PFKFB4: variants seen among roughly 807,000 people sequenced by gnomAD.
PFKFB4 encodes 6-phosphofructo-2-kinase/fructose-2,6-biphosphatase 4.
A neutral mutation model predicts 62.8 loss-of-function variants in PFKFB4; 42 were observed. The ratio of observed to expected loss-of-function variants is 0.67; its 90% confidence interval spans 0.52 to 0.86. The LOEUF is 0.86. Among genes scored for constraint, PFKFB4 ranks in the 40% least tolerant of loss-of-function variants. The probability of loss-of-function intolerance (pLI) is 0.00; values close to 1 mark genes in which losing one functional copy is unlikely to be tolerated. For missense variants in PFKFB4, 475 were observed against 627.2 expected, an observed-to-expected ratio of 0.76 and a Z score of 2.59; for synonymous variants, 204 against 240.7, an observed-to-expected ratio of 0.85 and a Z score of 1.41.
intron 7 of PFKFB4, among the ~76,000 whole-genome samples, chr3:48,537,850 C>T (rs569012624): frequency 2.0e-5 from 3 of 152,238 alleles, no homozygotes; most frequent in African/African-American, 7.2e-5. Flanking sequence ...TATAGAATTA[C>T]AGAACCTAAG....
At chr3:48,543,698 AG>A in intron 3 of PFKFB4, 52 bp from the exon 4 acceptor site, 7 of 1,430,870 alleles carry the variant, frequency 4.9e-6, no homozygotes, top group Non-Finnish European at 6.8e-6. Flanking sequence ...TGGCTCCAGG[AG>A]GGTGGCCAGG....
upstream of PFKFB4, among the ~76,000 whole-genome samples, chr3:48,558,155 T>C (rs2043375496): frequency 6.6e-6 from 1 of 152,174 alleles, no homozygotes; most frequent in Admixed American, 6.5e-5. Context: ...GAAAATGCAC[T>C]GGGGACAAGG....
chr3:48,561,207 G>T, upstream of PFKFB4: 1 of 631,930 alleles, frequency 1.6e-6, no homozygotes, highest in Non-Finnish European at 2.3e-6. This position sits in a 1 kb window ranked among gnomAD's most constrained non-coding sequence, Gnocchi z 5.2. Context: ...AGCGACTCCT[G>T]CGGCTCCTGC....
upstream of PFKFB4, chr3:48,561,236 C>T: frequency 2.5e-6 from 1 of 396,044 alleles, no homozygotes; most frequent in Non-Finnish European, 4.2e-6. The surrounding 1 kb of genome is among the most constrained non-coding windows in gnomAD (Gnocchi z 5.2). Flanking sequence ...CTCCCCAGCC[C>T]ACTGTAGGCC....
At chr3:48,531,300 C>T (rs555135034) in intron 9 of PFKFB4, among the ~76,000 whole-genome samples, 1 of 151,806 alleles carries the variant, frequency 6.6e-6, no homozygotes, top group Admixed American at 6.6e-5. Flanking sequence ...GAGTTCAAGA[C>T]CAGCCTGACC....
chr3:48,542,571 T>C (rs1335610490), intron 4 of PFKFB4, among the ~76,000 whole-genome samples: 1 of 151,862 alleles, frequency 6.6e-6, no homozygotes, highest in Non-Finnish European at 1.5e-5. Flanking sequence ...CCTAGGACCA[T>C]GTATGGTGGA....
chr3:48,556,337 G>A lies in PFKFB4; in HGVS notation c.97+344C>T. The stretch of plus-strand genomic sequence containing the variant: ...GGCCAGGAGAGAGGGAAGGGCCTGG[G>A]GTGCCCACAGGGTCCTCCCCAGACT... On this transcript the variant is annotated intron_variant, in intron 1 of 13. Coordinates refer to ENST00000232375, the MANE Select transcript of PFKFB4 (RefSeq NM_004567.4). This position sits in a 1 kb window ranked among gnomAD's most constrained non-coding sequence, Gnocchi z 5.7. 3.8e-6 allele frequency: 2 copies of A among 524,282 alleles called. No homozygotes were observed. The highest frequency in any genetic ancestry group is 7.3e-6 in the Non-Finnish European group (2 of 275,318). 32.5% of individuals were successfully genotyped at this position (524,282 alleles called of 1,614,324 possible).
chr3:48,526,280 G>A (rs2042256418), intron 9 of PFKFB4, among the ~76,000 whole-genome samples: 1 of 149,922 alleles, frequency 6.7e-6, no homozygotes, highest in African/African-American at 2.5e-5. Context: ...AAAAAGAAAA[G>A]TTGGCTGGGC....
intron 3 of PFKFB4, among the ~76,000 whole-genome samples, chr3:48,543,867 A>G (rs1235259777): frequency 2.0e-5 from 3 of 152,140 alleles, no homozygotes; most frequent in South Asian, 2.1e-4. Context: ...GCTATTAGGA[A>G]CATTTTTTAA....
chr3:48,550,027 A>T (rs774185647), intron 2 of PFKFB4, 67 bp from the exon 3 acceptor site: 3 of 1,427,034 alleles, frequency 2.1e-6, no homozygotes, highest in South Asian at 2.3e-5. Context: ...CCTTGACCCA[A>T]CCCCAGGCCA....
chr3:48,557,076 G>C, upstream of PFKFB4: 1 of 863,758 alleles, frequency 1.2e-6, no homozygotes, highest in South Asian at 2.4e-5. Flanking sequence ...TCCCGCCCCA[G>C]TTCAAGGCCC....
upstream of PFKFB4, among the ~76,000 whole-genome samples, chr3:48,559,235 C>T (rs1196011757): frequency 6.6e-6 from 1 of 152,230 alleles, no homozygotes; most frequent in Non-Finnish European, 1.5e-5. Context: ...CACCCTCCTT[C>T]AAGGCCCTAT....
At chr3:48,525,196 G>A (rs890366755) in intron 10 of PFKFB4, among the ~76,000 whole-genome samples, 6 of 152,114 alleles carry the variant, frequency 3.9e-5, no homozygotes, top group African/African-American at 9.7e-5. Context: ...CCAGGGGACC[G>A]CACACTGTCT....
chr3:48,561,426 G>T (rs939699197), upstream of PFKFB4, among the ~76,000 whole-genome samples: 1 of 152,258 alleles, frequency 6.6e-6, no homozygotes, highest in African/African-American at 2.4e-5. This position sits in a 1 kb window ranked among gnomAD's most constrained non-coding sequence, Gnocchi z 5.2. Context: ...CCCCCTCTGC[G>T]GGCAAGCCCG....
At chr3:48,530,004 G>C (rs1413921078) in intron 9 of PFKFB4, among the ~76,000 whole-genome samples, 1 of 151,948 alleles carries the variant, frequency 6.6e-6, no homozygotes, top group East Asian at 1.9e-4. Flanking sequence ...TGTAATCCCA[G>C]CACTTTGGGA....
rs190650932 is a variant in PFKFB4 at position 48,525,666 on chromosome 3, C to T, written c.991G>A (p.Val331Ile). Residue 331 changes from valine to isoleucine, a missense_variant, in exon 10 of 14, where the codon GTC becomes ATC. Transcript: ENST00000232375. ...WKVLNEIDAG[V>I]CEEMTYEEIQ... ...TCCTCGTAGGTCATTTCCTCACAGA[C>T]GCCCTAGGGAGATACCACAGTCATC... is the stretch of plus-strand genomic sequence containing the variant. 2.1e-5 allele frequency: 33 copies of T among 1,590,734 alleles called. No homozygotes were observed. Among genetic ancestry groups the T allele is most frequent in the Middle Eastern group, 1.7e-4 (1 of 5,980 alleles).
intron 3 of PFKFB4, among the ~76,000 whole-genome samples, chr3:48,544,158 T>C (rs2042888225): frequency 6.6e-6 from 1 of 151,954 alleles, no homozygotes; most frequent in Non-Finnish European, 1.5e-5. Flanking sequence ...ATTACAGGCG[T>C]GCACCACCAC....
intron 7 of PFKFB4, 133 bp downstream of exon 7, chr3:48,538,365 T>C (rs2042691454): frequency 8.7e-7 from 1 of 1,145,728 alleles, no homozygotes; most frequent in Non-Finnish European, 1.2e-6. Flanking sequence ...CCCAAGGAAA[T>C]AAACAAGAAA....
chr3:48,542,267 G>C (rs1484964066), intron 4 of PFKFB4, among the ~76,000 whole-genome samples: 1 of 150,856 alleles, frequency 6.6e-6, no homozygotes, highest in South Asian at 2.1e-4. Context: ...CCAGGAGGAG[G>C]AGCTTGTAGT....
Sources: gnomAD v4.1 joint callset for allele counts (sites outside exome capture counted in the v4.1 genomes callset) on GRCh38, gnomAD v4.1.1 for gene constraint, Gnocchi (gnomAD v3.1) non-coding constraint, MANE v1.5 for transcripts, NCBI Gene and HGNC (gene_info 2026-07-23, HGNC 2026-07-21) for gene names.